Variants in ADGRB3 observed in about 807,000 individuals in gnomAD.
The protein encoded by ADGRB3 is brain-specific angiogenesis inhibitor 3.
In ADGRB3, 37 loss-of-function variants were observed where a neutral mutation model predicts 193.4. The ratio of observed to expected loss-of-function variants is 0.19; its 90% confidence interval spans 0.15 to 0.25. ADGRB3 has a LOEUF of 0.25. ADGRB3 is among the 10% of genes least tolerant of loss of function. ADGRB3 has a pLI of 1.00. For synonymous variants in ADGRB3, 690 were observed against 644.2 expected, an observed-to-expected ratio of 1.07 and a Z score of -1.08; for missense variants, 1,637 against 1,852.9, an observed-to-expected ratio of 0.88 and a Z score of 2.14.
chr6:69,133,704 TA>T (rs1774075345), intron 17 of ADGRB3, among the ~76,000 whole-genome samples: 1 of 151,986 alleles, frequency 6.6e-6, no homozygotes, highest in East Asian at 1.9e-4. Context: ...ATTTTTATTT[TA>T]AAGTTTTGGG....
At chr6:69,035,508 T>C (rs992410206) in intron 13 of ADGRB3, among the ~76,000 whole-genome samples, 1 of 152,100 alleles carries the variant, frequency 6.6e-6, no homozygotes, top group Non-Finnish European at 1.5e-5. Context: ...TAATTGTTAA[T>C]GTAAAAGGTC....
chr6:68,683,124 A>G (rs1480395701), intron 3 of ADGRB3, among the ~76,000 whole-genome samples: 1 of 152,158 alleles, frequency 6.6e-6, no homozygotes, highest in African/African-American at 2.4e-5. Flanking sequence ...AATATTTTTA[A>G]ATAAAAATAG....
intron 3 of ADGRB3, among the ~76,000 whole-genome samples, chr6:68,897,907 CATT>C (rs1034844662): frequency 6.8e-6 from 1 of 147,654 alleles, no homozygotes; most frequent in Non-Finnish European, 1.5e-5. Context: ...CAGGAAAACA[CATT>C]ATTATTAGGA....
intron 3 of ADGRB3, among the ~76,000 whole-genome samples, chr6:68,854,059 C>T (rs1348458856): frequency 6.6e-6 from 1 of 152,138 alleles, no homozygotes; most frequent in African/African-American, 2.4e-5. Context: ...AAAATGGCTA[C>T]TACCTCCTAT....
At chr6:69,116,762 C>G (rs1207517465) in intron 17 of ADGRB3, among the ~76,000 whole-genome samples, 5 of 152,110 alleles carry the variant, frequency 3.3e-5, no homozygotes, top group African/African-American at 1.2e-4. Context: ...ATTAGCAAAC[C>G]CATTATCCTT....
intron 10 of ADGRB3, among the ~76,000 whole-genome samples, chr6:68,989,946 A>T (rs1562112514): frequency 6.6e-6 from 1 of 151,408 alleles, no homozygotes; most frequent in Non-Finnish European, 1.5e-5. Context: ...ATATCAGGCA[A>T]TTTTTTTTTG....
chr6:68,876,388 A>C (rs73747816), intron 3 of ADGRB3, among the ~76,000 whole-genome samples: 4,245 of 152,266 alleles, frequency 0.028, 203 homozygotes, highest in African/African-American at 0.095. Context: ...TCATAAGACC[A>C]AAGCACAGAA....
intron 20 of ADGRB3, among the ~76,000 whole-genome samples, chr6:69,273,211 T>C (rs1001696938): frequency 6.6e-6 from 1 of 152,110 alleles, no homozygotes; most frequent in Admixed American, 6.6e-5. Flanking sequence ...CTATTACCAG[T>C]CTAAATTCTC....
chr6:69,370,156 T>A (rs1769677736), intron 29 of ADGRB3, among the ~76,000 whole-genome samples: 1 of 152,154 alleles, frequency 6.6e-6, no homozygotes, highest in Admixed American at 6.5e-5. Context: ...TAATTTTAAC[T>A]CCACTGACCC....
At chr6:69,078,970 A>G (rs1049607846) in intron 17 of ADGRB3, among the ~76,000 whole-genome samples, 1 of 152,064 alleles carries the variant, frequency 6.6e-6, no homozygotes, top group Non-Finnish European at 1.5e-5. Context: ...TACATTTTCT[A>G]TCTAAGAATT....
At chr6:69,103,787 A>T (rs1342194389) in intron 17 of ADGRB3, among the ~76,000 whole-genome samples, 1 of 149,926 alleles carries the variant, frequency 6.7e-6, no homozygotes, top group Non-Finnish European at 1.5e-5. Flanking sequence ...TTATAATATT[A>T]TTATATTTAT....
At chr6:68,825,157 A>G (rs929115409) in intron 3 of ADGRB3, among the ~76,000 whole-genome samples, 2 of 152,082 alleles carry the variant, frequency 1.3e-5, no homozygotes, top group Non-Finnish European at 2.9e-5. Flanking sequence ...GTGCCCCGCC[A>G]ATCTGAGCCT....
At chr6:68,973,631 CAT>C (rs1768651382) in intron 8 of ADGRB3, among the ~76,000 whole-genome samples, 1 of 152,138 alleles carries the variant, frequency 6.6e-6, no homozygotes, top group African/African-American at 2.4e-5. Flanking sequence ...ATTTATAAAA[CAT>C]ATATTCATTT....
intron 17 of ADGRB3, among the ~76,000 whole-genome samples, chr6:69,100,292 C>A (rs967295577): frequency 6.6e-6 from 1 of 151,942 alleles, no homozygotes; most frequent in Admixed American, 6.6e-5. Context: ...TGACTTTTTT[C>A]CCCTTTACAT....
At chr6:69,278,978 A>G (rs1049619286) in intron 20 of ADGRB3, among the ~76,000 whole-genome samples, 1 of 150,044 alleles carries the variant, frequency 6.7e-6, no homozygotes, top group African/African-American at 2.4e-5. Flanking sequence ...CTTTAAAAAA[A>G]GTTTTGATCT....
At chr6:69,137,444 A>G (rs1328197568) in intron 17 of ADGRB3, among the ~76,000 whole-genome samples, 1 of 152,058 alleles carries the variant, frequency 6.6e-6, no homozygotes, top group Non-Finnish European at 1.5e-5. Flanking sequence ...AAACAAATCA[A>G]TCAGAAGCTT....
At chr6:68,776,053 G>A (rs9354798) in intron 3 of ADGRB3, among the ~76,000 whole-genome samples, 1 of 152,078 alleles carries the variant, frequency 6.6e-6, no homozygotes, top group Non-Finnish European at 1.5e-5. Context: ...CATGCTTTTA[G>A]TGCGTAGAAT....
intron 3 of ADGRB3, among the ~76,000 whole-genome samples, chr6:68,865,116 A>G (rs1336419116): frequency 6.6e-6 from 1 of 152,180 alleles, no homozygotes; most frequent in Non-Finnish European, 1.5e-5. Flanking sequence ...ATTCAAAAAT[A>G]TAATAAAATA....
At chr6:68,738,148 G>A (rs1225619157) in intron 3 of ADGRB3, among the ~76,000 whole-genome samples, 1 of 152,092 alleles carries the variant, frequency 6.6e-6, no homozygotes, top group Admixed American at 6.6e-5. Flanking sequence ...AATGGCAAAT[G>A]CAAATACATA....
Sources: gnomAD v4.1 joint callset for allele counts (sites outside exome capture counted in the v4.1 genomes callset) on GRCh38, gnomAD v4.1.1 for gene constraint, MANE v1.5 for transcripts, NCBI Gene and HGNC (gene_info 2026-07-23, HGNC 2026-07-21) for gene names.